The following COPS3 variants were observed in gnomAD, a reference collection of about 807,000 sequenced individuals.
The protein encoded by COPS3 is COP9 signalosome complex subunit 3.
Under a neutral mutation model 58.2 loss-of-function variants are expected in COPS3, and 10 were observed. That is an observed-to-expected ratio of 0.17 (90% CI 0.11 to 0.29). COPS3 has a LOEUF of 0.29. COPS3 is among the 10% of genes least tolerant of loss of function. The probability of loss-of-function intolerance (pLI) is 1.00; values close to 1 mark genes in which losing one functional copy is unlikely to be tolerated. For synonymous variants in COPS3, 187 were observed against 181.7 expected (o/e 1.03, Z -0.24); for missense variants, 333 against 510.1 (o/e 0.65, Z 3.34).
At chr17:17,262,689 C>T (rs2048127962) in intron 6 of COPS3, among the ~76,000 whole-genome samples, 1 of 151,696 alleles carries the variant, frequency 6.6e-6, no homozygotes, top group South Asian at 2.1e-4. Context: ...GAGATTGCGC[C>T]ACTGCACTCC....
chr17:17,269,398 C>T (rs1347440045), intron 4 of COPS3, among the ~76,000 whole-genome samples: 1 of 152,166 alleles, frequency 6.6e-6, no homozygotes, highest in Non-Finnish European at 1.5e-5. Context: ...GCACTCCAGC[C>T]TGGGTGACAG....
At chr17:17,253,895 AC>A (rs1385480974) in intron 9 of COPS3, among the ~76,000 whole-genome samples, 3 of 151,976 alleles carry the variant, frequency 2.0e-5, no homozygotes, top group Admixed American at 2.0e-4. Flanking sequence ...GGAGGCTGAG[AC>A]AGGAGAATTG....
intron 4 of COPS3, among the ~76,000 whole-genome samples, chr17:17,268,290 A>G (rs2048271180): frequency 6.6e-6 from 1 of 152,234 alleles, no homozygotes; most frequent in South Asian, 2.1e-4. Flanking sequence ...ATCTAAACAA[A>G]TGAAAACTTT....
chr17:17,266,239 A>G (rs2048218568), intron 5 of COPS3, among the ~76,000 whole-genome samples: 1 of 152,236 alleles, frequency 6.6e-6, no homozygotes. Flanking sequence ...GAGTACTGCT[A>G]CAGAATCATC....
intron 1 of COPS3, among the ~76,000 whole-genome samples, chr17:17,277,917 C>T (rs1215586166): frequency 2.0e-5 from 3 of 151,838 alleles, no homozygotes; most frequent in Admixed American, 6.6e-5. Context: ...GCAGATATCT[C>T]GAGGTCAGGA....
rs1246422416 is a variant in COPS3 at position 17,271,483 on chromosome 17, T to G, written c.186-475A>C. Reference sequence around the variant, plus strand: ...ATGAGATTTTCCTGACCTGGTTATTTTGCACAATCACTATACAGAACGGAC... The same window carrying G: ...ATGAGATTTTCCTGACCTGGTTATTGTGCACAATCACTATACAGAACGGAC... On this transcript the variant is annotated intron_variant, in intron 2 of 11. Transcript: ENST00000268717. Among the ~76,000 whole-genome samples the G allele has an allele frequency of 2.6e-5, 4 of 151,552 alleles. No individual in the cohort carries two copies. The East Asian group carries it at 5.9e-4, about 22-fold the overall frequency.
chr17:17,247,521 T>C lies in COPS3; in HGVS notation c.1177A>G (p.Met393Val), dbSNP rs748413389. Residue 393 changes from methionine (M) to valine (V), a missense_variant, in exon 11 of 12, where the codon ATG (methionine) becomes GTG (valine). Coordinates refer to ENST00000268717, the MANE Select transcript of COPS3 (RefSeq NM_003653.4). ...GGGTTCACTGTGATCTCCTGGTCCA[T>C]GGCTTTCAGCCGCTCATCCAGCTCA... is the stretch of plus-strand genomic sequence containing the variant. The part of the protein sequence containing the change: ...CIELDERLKA[M>V]DQEITVNPQF... 1.9e-6 allele frequency: 3 copies of C among 1,614,272 alleles called. No individual in the cohort carries two copies. Among genetic ancestry groups the C allele is most frequent in the Middle Eastern group, 1.6e-4 (1 of 6,062 alleles).
intron 6 of COPS3, among the ~76,000 whole-genome samples, chr17:17,263,780 C>T (rs1369006767): frequency 6.6e-6 from 1 of 152,286 alleles, no homozygotes; most frequent in East Asian, 1.9e-4. Context: ...TCCCAAAGTG[C>T]TGGGATTACA....
At chr17:17,270,294 C>CTCTA (rs2048317243) in intron 4 of COPS3, among the ~76,000 whole-genome samples, 1 of 151,612 alleles carries the variant, frequency 6.6e-6, no homozygotes, top group African/African-American at 2.4e-5. Context: ...GTGCAACTTA[C>CTCTA]TCTACAATGG....
chr17:17,269,224 A>G (rs944063132), intron 4 of COPS3, among the ~76,000 whole-genome samples: 1 of 152,164 alleles, frequency 6.6e-6, no homozygotes, highest in East Asian at 1.9e-4. Context: ...CAGGAGTTTG[A>G]CACCAGCCTG....
At chr17:17,261,387 A>G (rs1597676212) in intron 7 of COPS3, among the ~76,000 whole-genome samples, 1 of 152,076 alleles carries the variant, frequency 6.6e-6, no homozygotes, top group Admixed American at 6.6e-5. Flanking sequence ...TTAGCTGGGC[A>G]TGGTGGCACA....
Position 17,247,415 on chromosome 17 carries a change from CTGA to C in COPS3, c.1218+62_1218+64del. ...ATAACCTGAAACTTAGTTCCTGTGC[CTGA>C]TGTGACAACACCCCTCCTTCTCCAC... On this transcript the variant is annotated intron_variant, in intron 11 of 11. Coordinates refer to ENST00000268717, the MANE Select transcript of COPS3 (RefSeq NM_003653.4). 6 of 1,425,614 alleles carry C rather than the reference CTGA, an allele frequency of 4.2e-6. No homozygotes were observed. The South Asian group carries it at 6.9e-5, about 16-fold the overall frequency. 88.3% of individuals were successfully genotyped at this position (1,425,614 alleles called of 1,614,324 possible). A position where few individuals can be genotyped will look rare whatever the true frequency, so the allele number is the denominator to read the frequency against.
chr17:17,261,896 T>C (rs1270516461), intron 7 of COPS3, 70 bp downstream of exon 7: 1 of 1,371,914 alleles, frequency 7.3e-7, no homozygotes, highest in Admixed American at 2.2e-5. Context: ...GTTACAGAAC[T>C]GTATCATTGC....
At chr17:17,250,738 T>C (rs547144727) in intron 9 of COPS3, among the ~76,000 whole-genome samples, 2 of 152,332 alleles carry the variant, frequency 1.3e-5, no homozygotes, top group South Asian at 2.1e-4. Context: ...ACGGTGATAA[T>C]AACTTGTCCA....
rs191295853 is a variant in COPS3 at position 17,275,450 on chromosome 17, C to T, written c.185+585G>A. 1.7e-3 allele frequency among the ~76,000 whole-genome samples: 261 copies of T among 151,554 alleles called. 4 individuals carry two copies. In the South Asian group the frequency reaches 0.026, roughly 15 times the overall value. ...TGTCACCCAGGCTAGAGTACAGTGG[C>T]GCGACCTTGGCTCACTGCAACCTCT... On this transcript the variant is annotated intron_variant, in intron 2 of 11. Transcript: ENST00000268717.
Position 17,272,952 on chromosome 17 carries a change from T to C in COPS3, c.186-1944A>G, listed in dbSNP as rs1482957638. On this transcript the variant is annotated intron_variant, in intron 2 of 11. Coordinates refer to ENST00000268717, the MANE Select transcript of COPS3 (RefSeq NM_003653.4). Reference sequence around the variant, plus strand: ...CAAAGCAACATTGCTTAGAATTCCCTTCAAACAAATTTAAGCTATTTAAGA... The same window carrying C: ...CAAAGCAACATTGCTTAGAATTCCCCTCAAACAAATTTAAGCTATTTAAGA... Among the ~76,000 whole-genome samples the C allele has an allele frequency of 2.0e-5, 3 of 152,230 alleles. No homozygotes were observed. The East Asian group carries it at 5.8e-4, about 29-fold the overall frequency.
At position 17,246,673 on chromosome 17, in the gene COPS3, AT is replaced by A; in HGVS notation, c.*424del. 5.9e-6 allele frequency: 1 copy of A among 169,988 alleles called. No homozygotes were observed. The highest frequency in any genetic ancestry group is 1.3e-5 in the Non-Finnish European group (1 of 78,314). 10.5% of individuals were successfully genotyped at this position (169,988 alleles called of 1,614,324 possible). A position where few individuals can be genotyped will look rare whatever the true frequency, so the allele number is the denominator to read the frequency against. On this transcript the variant is annotated 3_prime_UTR_variant, in exon 12 of 12. Transcript: ENST00000268717. ...TGAAGACAATGATTACAACTTTTAG[AT>A]TTTTTTGTAGATACAAATTTGTCAA...
At chr17:17,268,086 A>G in intron 4 of COPS3, 109 bp from the exon 5 acceptor site, 1 of 1,374,344 alleles carries the variant, frequency 7.3e-7, no homozygotes, top group African/African-American at 1.4e-5. Flanking sequence ...GGTTCCTTTA[A>G]ATAGCAATAT....
intron 5 of COPS3, among the ~76,000 whole-genome samples, chr17:17,266,358 T>C (rs1234076857): frequency 6.6e-6 from 1 of 152,218 alleles, no homozygotes; most frequent in Non-Finnish European, 1.5e-5. Context: ...TTTATGTCCA[T>C]AAAAAGTTTT....
Sources: allele counts gnomAD v4.1 joint callset (sites outside exome capture counted in the v4.1 genomes callset), GRCh38; gene constraint gnomAD v4.1.1; transcripts MANE v1.5; gene names NCBI Gene and HGNC (gene_info 2026-07-23, HGNC 2026-07-21).